Variants in CNTNAP2 observed in about 807,000 individuals in gnomAD.
CNTNAP2 encodes contactin-associated protein-like 2.
CNTNAP2 carries 98 observed loss-of-function variants against 155.2 expected under a neutral mutation model. That is an observed-to-expected ratio of 0.63 (90% CI 0.54 to 0.75). The LOEUF (loss-of-function observed/expected upper bound fraction) is 0.75, where lower values mean the gene tolerates loss of function less well. Among genes scored for constraint, CNTNAP2 ranks in the 30% least tolerant of loss-of-function variants. The pLI is 0.00. For synonymous variants in CNTNAP2, 651 were observed against 631.2 expected (o/e 1.03, Z -0.47); for missense variants, 1,727 against 1,688.1 (o/e 1.02, Z -0.40).
intron 3 of CNTNAP2, among the ~76,000 whole-genome samples, chr7:147,000,501 C>T (rs960213878): frequency 6.6e-6 from 1 of 152,008 alleles, no homozygotes; most frequent in Non-Finnish European, 1.5e-5. Context: ...TTATTCCAGT[C>T]TTTGCAGTCT....
intron 1 of CNTNAP2, among the ~76,000 whole-genome samples, chr7:146,769,046 G>T (rs1234121469): frequency 6.6e-6 from 1 of 152,190 alleles, no homozygotes; most frequent in Admixed American, 6.5e-5. Flanking sequence ...CTCTGCTCCA[G>T]CTTGAGTTAG....
At chr7:146,698,711 CCTTTCTCTCTCT>C (rs975831170) in intron 1 of CNTNAP2, among the ~76,000 whole-genome samples, 3 of 152,050 alleles carry the variant, frequency 2.0e-5, no homozygotes, top group Non-Finnish European at 2.9e-5. Context: ...TCCTTCTGTT[CCTTTCTCTCTCT>C]CTTTCTCTCT....
chr7:147,485,064 A>T (rs1252089861), intron 10 of CNTNAP2, among the ~76,000 whole-genome samples: 1 of 152,104 alleles, frequency 6.6e-6, no homozygotes, highest in South Asian at 2.1e-4. Context: ...GTGCCATTGA[A>T]ACAGGGGTGT....
intron 1 of CNTNAP2, among the ~76,000 whole-genome samples, chr7:146,754,727 G>A (rs1045039168): frequency 2.0e-5 from 3 of 151,772 alleles, no homozygotes; most frequent in Non-Finnish European, 4.4e-5. Flanking sequence ...TGTTGTCAGG[G>A]GTTAGGAAAG....
intron 1 of CNTNAP2, among the ~76,000 whole-genome samples, chr7:146,590,716 C>T (rs1466139813): frequency 6.6e-6 from 1 of 152,138 alleles, no homozygotes; most frequent in Non-Finnish European, 1.5e-5. Context: ...TTCTCTCAGC[C>T]TCCCTGAGCT....
intron 13 of CNTNAP2, among the ~76,000 whole-genome samples, chr7:147,818,109 G>A (rs1798304915): frequency 6.6e-6 from 1 of 151,548 alleles, no homozygotes; most frequent in South Asian, 2.1e-4. Context: ...TAAAACCATT[G>A]TTTTCTACAA....
At chr7:148,229,910 G>A in intron 20 of CNTNAP2, 131 bp downstream of exon 20, 2 of 970,222 alleles carry the variant, frequency 2.1e-6, no homozygotes, top group Non-Finnish European at 3.1e-6. Context: ...TCTCCTACAA[G>A]TGCATAACTA....
chr7:147,746,318 G>T (rs1200640636), intron 13 of CNTNAP2, among the ~76,000 whole-genome samples: 1 of 152,114 alleles, frequency 6.6e-6, no homozygotes, highest in Non-Finnish European at 1.5e-5. Context: ...GAACACAGGG[G>T]AGAATCAAGC....
chr7:146,864,651 A>G (rs1795167341), intron 3 of CNTNAP2, among the ~76,000 whole-genome samples: 1 of 152,182 alleles, frequency 6.6e-6, no homozygotes, highest in South Asian at 2.1e-4. Flanking sequence ...AGATGACATA[A>G]TAATTTATTT....
intron 13 of CNTNAP2, among the ~76,000 whole-genome samples, chr7:147,799,632 G>T (rs559379053): frequency 1.1e-4 from 17 of 152,346 alleles, no homozygotes; most frequent in African/African-American, 4.1e-4. Context: ...AATTTAGGAA[G>T]ATGTATAGAT....
chr7:147,900,118 C>A (rs1008414221), intron 13 of CNTNAP2, among the ~76,000 whole-genome samples: 1 of 152,132 alleles, frequency 6.6e-6, no homozygotes, highest in African/African-American at 2.4e-5. Context: ...ATGGTGCTGG[C>A]CCCTCTGCTC....
At chr7:147,667,838 G>A (rs1269374785) in intron 13 of CNTNAP2, among the ~76,000 whole-genome samples, 5 of 150,146 alleles carry the variant, frequency 3.3e-5, no homozygotes, top group Admixed American at 1.3e-4. Flanking sequence ...AAAAATAAAA[G>A]ATACCAATGC....
chr7:148,209,370 G>A (rs1463623282), intron 18 of CNTNAP2, among the ~76,000 whole-genome samples: 1 of 147,642 alleles, frequency 6.8e-6, no homozygotes, highest in Admixed American at 6.9e-5. Flanking sequence ...CAGGGCTCAA[G>A]CGACCCTCCT....
At chr7:146,869,186 T>G (rs977311851) in intron 3 of CNTNAP2, among the ~76,000 whole-genome samples, 1 of 152,210 alleles carries the variant, frequency 6.6e-6, no homozygotes, top group African/African-American at 2.4e-5. Flanking sequence ...TTGAGGTATG[T>G]TCCTTCAATA....
chr7:147,052,562 CA>C (rs1237136175), intron 4 of CNTNAP2, among the ~76,000 whole-genome samples: 1 of 151,872 alleles, frequency 6.6e-6, no homozygotes, highest in Non-Finnish European at 1.5e-5. Flanking sequence ...AATAGATGTT[CA>C]AACAGAGCTA....
chr7:147,297,065 A>G (rs1794832465), intron 8 of CNTNAP2, among the ~76,000 whole-genome samples: 2 of 152,242 alleles, frequency 1.3e-5, no homozygotes, highest in South Asian at 4.1e-4. Flanking sequence ...ATCTATTGAC[A>G]TTAAATTAAA....
chr7:146,334,185 A>G (rs1801232477), intron 1 of CNTNAP2, among the ~76,000 whole-genome samples: 1 of 152,142 alleles, frequency 6.6e-6, no homozygotes, highest in Admixed American at 6.6e-5. Context: ...TAATCCCAGC[A>G]CTTTGGGAGG....
chr7:147,908,695 A>G (rs900126249), intron 14 of CNTNAP2, among the ~76,000 whole-genome samples: 1 of 152,214 alleles, frequency 6.6e-6, no homozygotes, highest in Non-Finnish European at 1.5e-5. Flanking sequence ...CATACATCCA[A>G]ATGAAACTCA....
intron 3 of CNTNAP2, among the ~76,000 whole-genome samples, chr7:146,916,132 T>A (rs1373146705): frequency 1.3e-5 from 2 of 152,104 alleles, no homozygotes; most frequent in East Asian, 3.9e-4. Context: ...ATTGACTTGT[T>A]GATGTTAAAC....
Sources: gnomAD v4.1 joint callset for allele counts (sites outside exome capture counted in the v4.1 genomes callset) on GRCh38, gnomAD v4.1.1 for gene constraint, MANE v1.5 for transcripts, NCBI Gene and HGNC (gene_info 2026-07-23, HGNC 2026-07-21) for gene names.